The following CNTNAP2 variants were observed in gnomAD, a reference collection of about 807,000 sequenced individuals.
CNTNAP2 encodes the protein contactin associated protein 2.
Under a neutral mutation model 155.2 loss-of-function variants are expected in CNTNAP2, and 98 were observed. The observed-to-expected ratio is 0.63, with a 90% CI of 0.54 to 0.75. The LOEUF is 0.75. Ranked by LOEUF, CNTNAP2 falls within the 30% of genes least tolerant of loss-of-function variation. The pLI, the probability that CNTNAP2 is intolerant of heterozygous loss-of-function variation, is 0.00. For missense variants in CNTNAP2, 1,727 were observed against 1,688.1 expected, an observed-to-expected ratio of 1.02 and a Z score of -0.40; for synonymous variants, 651 against 631.2, an observed-to-expected ratio of 1.03 and a Z score of -0.47.
chr7:147,118,086 C>T (rs1331966653), intron 5 of CNTNAP2, among the ~76,000 whole-genome samples: 1 of 151,794 alleles, frequency 6.6e-6, no homozygotes, highest in Non-Finnish European at 1.5e-5. Context: ...TACAAGATAA[C>T]TCATAAAAGA....
At chr7:146,540,636 A>G (rs1355461733) in intron 1 of CNTNAP2, among the ~76,000 whole-genome samples, 1 of 151,980 alleles carries the variant, frequency 6.6e-6, no homozygotes, top group African/African-American at 2.4e-5. Context: ...CAAAGAGAGG[A>G]AGTGATTAAA....
chr7:147,761,224 C>T (rs574388195), intron 13 of CNTNAP2, among the ~76,000 whole-genome samples: 1 of 152,308 alleles, frequency 6.6e-6, no homozygotes, highest in South Asian at 2.1e-4. Context: ...ACATTGGAAA[C>T]TTCCTGAATG....
chr7:146,335,358 T>C (rs1261999601), intron 1 of CNTNAP2, among the ~76,000 whole-genome samples: 1 of 152,200 alleles, frequency 6.6e-6, no homozygotes, highest in Non-Finnish European at 1.5e-5. Context: ...AAAAAAGAGC[T>C]ACTGAAATGC....
At chr7:147,036,011 G>A (rs1799145976) in intron 3 of CNTNAP2, among the ~76,000 whole-genome samples, 1 of 152,108 alleles carries the variant, frequency 6.6e-6, no homozygotes, top group African/African-American at 2.4e-5. Context: ...CAACTGGCTG[G>A]AAAGTCTTAG....
chr7:147,104,873 C>CATATATATATAA (rs1800727787), intron 4 of CNTNAP2, among the ~76,000 whole-genome samples: 13 of 101,440 alleles, frequency 1.3e-4, no homozygotes, highest in Admixed American at 3.5e-4. Flanking sequence ...CTTCCTCCCT[C>CATATATATATAA]ATATATATAT....
At chr7:148,098,647 T>C (rs1223563839) in intron 15 of CNTNAP2, among the ~76,000 whole-genome samples, 2 of 152,002 alleles carry the variant, frequency 1.3e-5, no homozygotes, top group Admixed American at 1.3e-4. Flanking sequence ...GAGTCCAGCC[T>C]AGGTAAGATA....
In CNTNAP2 at chr7:148,057,980, A is replaced by ATTATTG. The variant is rs1417233856; in HGVS notation, c.2384-60133_2384-60132insGTTATT. Among the ~76,000 whole-genome samples the ATTATTG allele has an allele frequency of 6.5e-3, 963 of 147,372 alleles. 2 individuals carry two copies. The highest frequency in any genetic ancestry group is 0.021 in the Middle Eastern group (6 of 280). ...TATTATTATTATTATTATTATTATT[A>ATTATTG]TTATTATTGTTATTATTTGCTTTTG... On this transcript the variant is annotated intron_variant, in intron 15 of 23. Transcript: ENST00000361727.
chr7:146,293,793 A>G (rs1267904382), intron 1 of CNTNAP2, among the ~76,000 whole-genome samples: 1 of 152,160 alleles, frequency 6.6e-6, no homozygotes, highest in East Asian at 1.9e-4. Context: ...ATATACTCTC[A>G]AAAACTGTAG....
intron 11 of CNTNAP2, among the ~76,000 whole-genome samples, chr7:147,519,842 G>GCAACAGA (rs1799202130): frequency 6.6e-6 from 1 of 152,180 alleles, no homozygotes; most frequent in Non-Finnish European, 1.5e-5. Flanking sequence ...TCCAACCTGG[G>GCAACAGA]CAACAGAGTG....
intron 13 of CNTNAP2, among the ~76,000 whole-genome samples, chr7:147,673,450 G>C (rs1290752509): frequency 6.6e-6 from 1 of 152,204 alleles, no homozygotes; most frequent in South Asian, 2.1e-4. Context: ...TATCCACGGA[G>C]AGGGAAGATC....
chr7:147,825,485 A>G (rs528749306), intron 13 of CNTNAP2, among the ~76,000 whole-genome samples: 91 of 152,338 alleles, frequency 6.0e-4, no homozygotes, highest in Non-Finnish European at 9.6e-4. Context: ...ATTCATTATT[A>G]TAAAAGTGTA....
chr7:146,255,091 C>A (rs1439239628), intron 1 of CNTNAP2, among the ~76,000 whole-genome samples: 2 of 152,034 alleles, frequency 1.3e-5, no homozygotes, highest in African/African-American at 4.8e-5. Context: ...AGATCTCAAC[C>A]ATGGGAATAA....
At chr7:146,508,795 A>C (rs12703819) in intron 1 of CNTNAP2, among the ~76,000 whole-genome samples, 1 of 152,180 alleles carries the variant, frequency 6.6e-6, no homozygotes, top group African/African-American at 2.4e-5. Flanking sequence ...AATTGCCTCC[A>C]CAAAGTTAAC....
At chr7:146,469,920 A>G (rs1300088762) in intron 1 of CNTNAP2, among the ~76,000 whole-genome samples, 2 of 151,168 alleles carry the variant, frequency 1.3e-5, no homozygotes, top group African/African-American at 4.9e-5. Context: ...GCTCACTGCA[A>G]ACTCCGCCTC....
chr7:146,635,967 A>G (rs1799591292), intron 1 of CNTNAP2, among the ~76,000 whole-genome samples: 1 of 152,184 alleles, frequency 6.6e-6, no homozygotes, highest in Non-Finnish European at 1.5e-5. Context: ...AGCCGCCTAA[A>G]GTATTGCTTG....
chr7:146,248,570 G>C (rs2116939575), intron 1 of CNTNAP2, among the ~76,000 whole-genome samples: 1 of 152,284 alleles, frequency 6.6e-6, no homozygotes, highest in East Asian at 1.9e-4. Context: ...GAAATTAAAA[G>C]AAGGGAGAGA....
intron 14 of CNTNAP2, among the ~76,000 whole-genome samples, chr7:147,972,778 C>A (rs1801356036): frequency 6.6e-6 from 1 of 151,654 alleles, no homozygotes. Flanking sequence ...ATTAGATTGA[C>A]CTCAATCTGT....
In CNTNAP2 at chr7:146,120,780, T is replaced by C. The variant is rs182420306; in HGVS notation, c.97+3807T>C. On this transcript the variant is annotated intron_variant, in intron 1 of 23. Coordinates refer to ENST00000361727, the MANE Select transcript of CNTNAP2 (RefSeq NM_014141.6). Reference sequence around the variant, plus strand: ...AAAGAGGCATTGTGTTATAATTGCCTATAGTATTCAGTGTAATAACATGCA... The same window carrying C: ...AAAGAGGCATTGTGTTATAATTGCCCATAGTATTCAGTGTAATAACATGCA... Among the ~76,000 whole-genome samples the C allele has an allele frequency of 3.4e-4, 52 of 152,314 alleles. No homozygotes were observed. In the East Asian group the frequency reaches 4.8e-3, roughly 14 times the overall value.
intron 3 of CNTNAP2, among the ~76,000 whole-genome samples, chr7:147,027,038 A>T (rs1798937362): frequency 6.7e-6 from 1 of 150,292 alleles, no homozygotes; most frequent in South Asian, 2.1e-4. Context: ...AAAAAAAAAA[A>T]CTTGCTTTGG....
Sources: gnomAD v4.1 joint callset for allele counts (sites outside exome capture counted in the v4.1 genomes callset) on GRCh38, gnomAD v4.1.1 for gene constraint, MANE v1.5 for transcripts, NCBI Gene and HGNC (gene_info 2026-07-23, HGNC 2026-07-21) for gene names.